The following TAC3 variants were observed in gnomAD, a reference collection of about 807,000 sequenced individuals.
TAC3 encodes tachykinin-3.
A neutral mutation model predicts 16.5 loss-of-function variants in TAC3; 9 were observed. The ratio of observed to expected loss-of-function variants is 0.55; its 90% confidence interval spans 0.33 to 0.95. TAC3 has a LOEUF of 0.95. Ranked by LOEUF, TAC3 falls within the 40% of genes least tolerant of loss-of-function variation. TAC3 has a pLI of 0.03. For missense variants in TAC3, 129 were observed against 149.1 expected (o/e 0.87, Z 0.70); for synonymous variants, 52 against 56.7 (o/e 0.92, Z 0.37).
chr12:57,012,387 C>G lies in TAC3; in HGVS notation c.358G>C (p.Ala120Pro). The stretch of plus-strand genomic sequence containing the variant: ...AATGAACAATCCTTACCCTATTCTG[C>G]TCTCGGGGGATACTTGAGGATGCCA... ...SFGILKYPPR[A>P]E The change falls in exon 6 of 7, where the codon GCA (alanine) becomes CCA (proline). Residue 120 changes from alanine (A) to proline (P), a missense_variant. By Grantham distance (27) the Ala-to-Pro change is conservative. Transcript: ENST00000458521. 2 of 1,611,924 alleles carry G rather than the reference C, an allele frequency of 1.2e-6. No individual in the cohort carries two copies. Among genetic ancestry groups the G allele is most frequent in the Non-Finnish European group, 1.7e-6 (2 of 1,179,022 alleles).
At chr12:57,011,659 A>C (rs1490610221) in intron 6 of TAC3, among the ~76,000 whole-genome samples, 1 of 152,204 alleles carries the variant, frequency 6.6e-6, no homozygotes, top group Non-Finnish European at 1.5e-5. Context: ...ACTGTTCTGA[A>C]CACTTTACCT....
rs1168370529 is a variant in TAC3, at chr12:57,013,342, G to A, written c.238+17C>T. 6.2e-7 allele frequency: 1 copy of A among 1,613,846 alleles called. No individual in the cohort carries two copies. Among genetic ancestry groups the A allele is most frequent in the Non-Finnish European group, 8.5e-7 (1 of 1,179,870 alleles). On this transcript the variant is annotated intron_variant, in intron 4 of 6. Transcript: ENST00000458521. ...GGGCAAGTGGCAAGAGATAGGGAGG[G>A]AGAAGAGGGTACTTACGTTTCTCGG...
chr12:57,011,075 G>A (rs1002313354), intron 6 of TAC3, among the ~76,000 whole-genome samples: 11 of 152,048 alleles, frequency 7.2e-5, no homozygotes, highest in African/African-American at 2.7e-4. Flanking sequence ...TCTGGCCGTC[G>A]GCAGGACTGA....
intron 2 of TAC3, among the ~76,000 whole-genome samples, chr12:57,015,363 T>C (rs1163031666): frequency 2.6e-5 from 4 of 152,100 alleles, no homozygotes; most frequent in Non-Finnish European, 5.9e-5. Flanking sequence ...AGGTAGACTA[T>C]AGAGAGCCTT....
chr12:57,011,936 C>T (rs896781927), intron 6 of TAC3, among the ~76,000 whole-genome samples: 19 of 152,200 alleles, frequency 1.2e-4, no homozygotes, highest in Admixed American at 8.5e-4. Context: ...TTCTGGGCCC[C>T]GTAACCCAGG....
At chr12:57,012,511 G>T in intron 5 of TAC3, 59 bp from the exon 6 acceptor site, 1 of 1,607,288 alleles carries the variant, frequency 6.2e-7, no homozygotes, top group South Asian at 1.1e-5. Context: ...ACTACACCCT[G>T]ATCCAACAGC....
intron 2 of TAC3, among the ~76,000 whole-genome samples, chr12:57,014,342 T>C (rs1483795343): frequency 6.6e-6 from 1 of 151,994 alleles, no homozygotes; most frequent in African/African-American, 2.4e-5. Context: ...GAGATTTTCA[T>C]CTCAAATCTC....
chr12:57,012,911 T>C, intron 4 of TAC3, 36 bp from the exon 5 acceptor site: 1 of 1,613,794 alleles, frequency 6.2e-7, no homozygotes, highest in Admixed American at 1.7e-5. Context: ...GCAGTGATGA[T>C]GAGAAAGTGA....
rs1565632246 is a variant in TAC3 at position 57,010,113 on chromosome 12, GA to G, written c.*176del. 4 of 454,100 alleles carry G rather than the reference GA, an allele frequency of 8.8e-6. No individual in the cohort carries two copies. The highest frequency in any genetic ancestry group is 1.8e-5 in the Non-Finnish European group (4 of 226,792). 28.1% of individuals were successfully genotyped at this position (454,100 alleles called of 1,614,324 possible). Reference sequence around the variant, plus strand: ...ACAGTCAATGCCCATTGGGGTTGGGGATATTCACTATGCAGTTTCCACACCA... The same window carrying G: ...ACAGTCAATGCCCATTGGGGTTGGGGTATTCACTATGCAGTTTCCACACCA... On this transcript the variant is annotated 3_prime_UTR_variant, in exon 7 of 7. Transcript: ENST00000458521.
At position 57,015,669 on chromosome 12, in the gene TAC3, C is replaced by G. The variant is rs774703211; in HGVS notation, c.114+15G>C. On this transcript the variant is annotated intron_variant, in intron 2 of 6. Coordinates refer to ENST00000458521, the MANE Select transcript of TAC3 (RefSeq NM_013251.4). ...TTCCCGTGATGTCCCCAGTACTCTGCCAGGGGAGACTTACCTTGCTGCGGC... is the reference window on the plus strand; with the variant it reads ...TTCCCGTGATGTCCCCAGTACTCTGGCAGGGGAGACTTACCTTGCTGCGGC... 2 of 1,607,500 alleles carry G rather than the reference C, an allele frequency of 1.2e-6. No individual in the cohort carries two copies. Among genetic ancestry groups the G allele is most frequent in the South Asian group, 2.2e-5 (2 of 90,922 alleles).
intron 2 of TAC3, 132 bp from the exon 3 acceptor site, chr12:57,013,803 G>T: frequency 1.3e-6 from 1 of 785,784 alleles, no homozygotes; most frequent in Non-Finnish European, 2.1e-6. Context: ...GTTTCCTCTG[G>T]TTCACACTGG....
chr12:57,016,327 C>G (rs901119556), intron 1 of TAC3, 60 bp downstream of exon 1: 2 of 390,496 alleles, frequency 5.1e-6, no homozygotes, highest in Non-Finnish European at 1.0e-5. Context: ...TCCCTCCTGA[C>G]GCTGGCTCCT....
intron 2 of TAC3, among the ~76,000 whole-genome samples, chr12:57,014,467 C>T (rs1956345779): frequency 6.6e-6 from 1 of 152,210 alleles, no homozygotes; most frequent in Admixed American, 6.5e-5. Context: ...GTTGCCTAGG[C>T]ACACCTATGT....
At chr12:57,013,759 C>T (rs1956336490) in intron 2 of TAC3, 88 bp from the exon 3 acceptor site, 2 of 1,104,758 alleles carry the variant, frequency 1.8e-6, no homozygotes, top group East Asian at 2.5e-5. Context: ...TCTTCCTGAG[C>T]CCATCCTGAA....
Position 57,013,082 on chromosome 12 carries a change from C to G in TAC3, c.239-207G>C, listed in dbSNP as rs1956324507. Reference sequence around the variant, plus strand: ...CTCCACATTTCAAGAATTTTCTGCTCTAGCAGGTGCCTGATTTGGAATTTT... The same window carrying G: ...CTCCACATTTCAAGAATTTTCTGCTGTAGCAGGTGCCTGATTTGGAATTTT... On this transcript the variant is annotated intron_variant, in intron 4 of 6. Transcript: ENST00000458521. 3 of 772,562 alleles carry G rather than the reference C, an allele frequency of 3.9e-6. No homozygotes were observed. The South Asian group carries it at 5.0e-5, about 13-fold the overall frequency. The allele number at this position is 772,562 out of a possible 1,614,324, so 47.9% of individuals were successfully genotyped here. A position where few individuals can be genotyped will look rare whatever the true frequency, so the allele number is the denominator to read the frequency against.
Position 57,015,893 on chromosome 12 carries a change from C to G in TAC3, c.-5-91G>C, listed in dbSNP as rs563905226. ...CACAAGAGACATTCATTACCAGCAG[C>G]TTGGCTTGACCCTGCTTCCCCAGCC... On this transcript the variant is annotated intron_variant, in intron 1 of 6. Transcript: ENST00000458521. 2.2e-4 allele frequency: 243 copies of G among 1,129,462 alleles called. 1 individual carries two copies. In the South Asian group the frequency reaches 2.9e-3, roughly 14 times the overall value. 70.0% of individuals were successfully genotyped at this position (1,129,462 alleles called of 1,614,324 possible).
At position 57,012,424 on chromosome 12, in the gene TAC3, G is replaced by A. The variant is rs141908560; in HGVS notation, c.321C>T (p.Asn107=). The A allele has an allele frequency of 1.0e-4, 163 of 1,613,894 alleles. No homozygotes were observed. The African/African-American group carries it at 2.0e-3, about 19-fold the overall frequency. Residue 107 remains asparagine (N), a synonymous_variant, in exon 6 of 7, where the codon AAC becomes AAT. Coordinates refer to ENST00000458521, the MANE Select transcript of TAC3 (RefSeq NM_013251.4). ...PDSPTDVNQE[N]VPSFGILKYP... is the part of the protein sequence containing the mutation. ...ACTTGAGGATGCCAAAGCTGGGGAC[G>A]TTCTCTTGATTCACATCCGTAGGAG...
At chr12:57,015,980 G>T (rs1006775983) in intron 1 of TAC3, among the ~76,000 whole-genome samples, 178 bp from the exon 2 acceptor site, 5 of 152,158 alleles carry the variant, frequency 3.3e-5, no homozygotes, top group Non-Finnish European at 7.4e-5. Flanking sequence ...TGAGAAGGGG[G>T]TACAGCCCTT....
At chr12:57,012,206 A>C in intron 6 of TAC3, 172 bp downstream of exon 6, 1 of 644,400 alleles carries the variant, frequency 1.6e-6, no homozygotes, top group Non-Finnish European at 2.8e-6. Flanking sequence ...GTACAAACAC[A>C]CGTGCCTCTA....
Sources: allele counts gnomAD v4.1 joint callset (sites outside exome capture counted in the v4.1 genomes callset), GRCh38; gene constraint gnomAD v4.1.1; transcripts MANE v1.5; gene names NCBI Gene and HGNC (gene_info 2026-07-23, HGNC 2026-07-21).